Variants in PSIP1 observed in about 807,000 individuals in gnomAD.
PSIP1 encodes PC4 and SRSF1 interacting protein 1, also known as PC4 and SFRS1-interacting protein.
Under a neutral mutation model 74.7 loss-of-function variants are expected in PSIP1, and 19 were observed. The observed-to-expected ratio is 0.25, with a 90% CI of 0.18 to 0.37. The LOEUF (loss-of-function observed/expected upper bound fraction) is 0.37. Among genes scored for constraint, PSIP1 ranks in the 10% least tolerant of loss-of-function variants. PSIP1 has a pLI of 1.00. For synonymous variants in PSIP1, 222 were observed against 195.3 expected (o/e 1.14, Z -1.14); for missense variants, 601 against 614.3 (o/e 0.98, Z 0.23).
chr9:15,507,477 G>T (rs529763567), intron 2 of PSIP1, among the ~76,000 whole-genome samples: 2 of 152,048 alleles, frequency 1.3e-5, no homozygotes, highest in South Asian at 2.1e-4. Context: ...GTGAAACCCG[G>T]TCTCTACTAA....
At chr9:15,478,575 A>G in intron 7 of PSIP1, 23 bp from the exon 8 acceptor site, 4 of 1,433,636 alleles carry the variant, frequency 2.8e-6, no homozygotes, top group Non-Finnish European at 9.8e-7. Context: ...TGGAAAAAAA[A>G]TCAGTAACTA....
chr9:15,510,283 G>A lies in PSIP1; in HGVS notation c.-95C>T, dbSNP rs1038681336. Reference sequence around the variant, plus strand: ...GGCGGCGGACGCGGGCCCAGCTACCGGGCCCGCGGGCGGGGGAGGATGCCT... The same window carrying A: ...GGCGGCGGACGCGGGCCCAGCTACCAGGCCCGCGGGCGGGGGAGGATGCCT... On this transcript the variant is annotated 5_prime_UTR_variant, in exon 2 of 16. Coordinates refer to ENST00000380733, the MANE Select transcript of PSIP1 (RefSeq NM_033222.5). 11 of 1,025,078 alleles carry A rather than the reference G, an allele frequency of 1.1e-5. No homozygotes were observed. The highest frequency in any genetic ancestry group is 1.4e-5 in the Non-Finnish European group (10 of 729,658). The allele number at this position is 1,025,078 out of a possible 1,614,324, so 63.5% of individuals were successfully genotyped here. A position where few individuals can be genotyped will look rare whatever the true frequency, so the allele number is the denominator to read the frequency against.
At chr9:15,506,664 A>G in intron 2 of PSIP1, 27 bp from the exon 3 acceptor site, 2 of 1,512,470 alleles carry the variant, frequency 1.3e-6, no homozygotes, top group African/African-American at 1.4e-5. Flanking sequence ...AAAAATTAAA[A>G]TATTTTAAAT....
chr9:15,508,499 T>C (rs368106285), intron 2 of PSIP1, among the ~76,000 whole-genome samples: 4 of 152,352 alleles, frequency 2.6e-5, no homozygotes, highest in African/African-American at 9.6e-5. Context: ...GTAGCACTCT[T>C]AGTCACTTAA....
In PSIP1 at chr9:15,510,909, G is replaced by A. The variant is rs2037841863; in HGVS notation, c.-234C>T. On this transcript the variant is annotated 5_prime_UTR_variant, in exon 1 of 16. Coordinates refer to ENST00000380733, the MANE Select transcript of PSIP1 (RefSeq NM_033222.5). ...CACCTGCGCCACCAGCTGCCGCAGA[G>A]GCGTCTCAACGGCTCGGAATCGCAA... 1.3e-5 allele frequency: 2 copies of A among 152,704 alleles called. No homozygotes were observed. The highest frequency in any genetic ancestry group is 3.9e-4 in the South Asian group (2 of 5,136). 9.5% of individuals were successfully genotyped at this position (152,704 alleles called of 1,614,324 possible).
rs1328073390 is a variant in PSIP1, at chr9:15,486,757, G to A, written c.393+70C>T. ...TAAAAATTACTTACTAATTAATCAT[G>A]GCCAACTCATTTCATTATTTCTTCC... On this transcript the variant is annotated intron_variant, in intron 5 of 15. Coordinates refer to ENST00000380733, the MANE Select transcript of PSIP1 (RefSeq NM_033222.5). 5.6e-6 allele frequency: 6 copies of A among 1,073,170 alleles called. No homozygotes were observed. In the African/African-American group the frequency reaches 6.5e-5, roughly 12 times the overall value. 66.5% of individuals were successfully genotyped at this position (1,073,170 alleles called of 1,614,324 possible).
At chr9:15,466,942 A>T (rs2035663417) in intron 14 of PSIP1, 83 bp from the exon 15 acceptor site, 1 of 979,624 alleles carries the variant, frequency 1.0e-6, no homozygotes, top group Admixed American at 2.2e-5. Context: ...CCAGAATCAA[A>T]ATACAACATG....
chr9:15,468,321 G>T (rs2035715344), intron 14 of PSIP1: 2 of 587,350 alleles, frequency 3.4e-6, no homozygotes, highest in Admixed American at 1.9e-5. Flanking sequence ...GAGCAACCAG[G>T]AAGTGGGTAC....
At chr9:15,487,132 C>T (rs1388596585) in intron 4 of PSIP1, among the ~76,000 whole-genome samples, 2 of 150,484 alleles carry the variant, frequency 1.3e-5, no homozygotes, top group Non-Finnish European at 3.0e-5. Context: ...CCCAGGAGGT[C>T]GAGGCTGTAG....
chr9:15,468,126 A>C (rs1019356820), intron 14 of PSIP1, among the ~76,000 whole-genome samples: 3 of 122,156 alleles, frequency 2.5e-5, no homozygotes, highest in African/African-American at 8.4e-5. Flanking sequence ...CATCTTTTAA[A>C]AAAAAAAAAA....
At position 15,483,703 on chromosome 9, in the gene PSIP1, A is replaced by T. The variant is rs2036434821; in HGVS notation, c.456+2303T>A. ...TACAGTGAACTGGTCTCACTGCCCC[A>T]ATCCAATCCCCATCGTTCACACTGC... On this transcript the variant is annotated intron_variant, in intron 6 of 15. Coordinates refer to ENST00000380733, the MANE Select transcript of PSIP1 (RefSeq NM_033222.5). Among the ~76,000 whole-genome samples, 4 of 152,282 alleles carry T rather than the reference A, an allele frequency of 2.6e-5. No individual in the cohort carries two copies. The South Asian group carries it at 8.3e-4, about 32-fold the overall frequency.
rs1234059861 is a variant in PSIP1 at position 15,474,651 on chromosome 9, C to G, written c.630-414G>C. ...CAGACAGTGCTGTGCTGACTAGCAC[C>G]TAAGTATTCCCATCACCACTGAATT... On this transcript the variant is annotated intron_variant, in intron 8 of 15. Transcript: ENST00000380733. Among the ~76,000 whole-genome samples the G allele has an allele frequency of 5.3e-5, 8 of 152,066 alleles. No homozygotes were observed. In the East Asian group the frequency reaches 1.2e-3, roughly 22 times the overall value.
At position 15,464,929 on chromosome 9, in the gene PSIP1, CA is replaced by C. The variant is rs1407491903; in HGVS notation, c.*590del. On this transcript the variant is annotated 3_prime_UTR_variant, in exon 16 of 16. Transcript: ENST00000380733. ...TCAGTTGCTTAATTAGTTGTCATAC[CA>C]AAAAAAACCATACAGAGCACACATT... 4.7e-5 allele frequency: 10 copies of C among 212,792 alleles called. No homozygotes were observed. Among genetic ancestry groups the C allele is most frequent in the African/African-American group, 6.8e-5 (3 of 44,048 alleles). The allele number at this position is 212,792 out of a possible 1,614,324, so 13.2% of individuals were successfully genotyped here. A position where few individuals can be genotyped will look rare whatever the true frequency, so the allele number is the denominator to read the frequency against.
intron 14 of PSIP1, among the ~76,000 whole-genome samples, chr9:15,467,700 CAAATG>C (rs1166062380): frequency 6.6e-6 from 1 of 152,082 alleles, no homozygotes; most frequent in African/African-American, 2.4e-5. Flanking sequence ...TTTCCTAATA[CAAATG>C]AAAAGAAAAT....
At position 15,464,224 on chromosome 9, in the gene PSIP1, A is replaced by G; in HGVS notation, c.*1296T>C. 5.2e-6 allele frequency: 1 copy of G among 191,966 alleles called. No individual in the cohort carries two copies. Among genetic ancestry groups the G allele is most frequent in the Non-Finnish European group, 1.1e-5 (1 of 91,558 alleles). The allele number at this position is 191,966 out of a possible 1,614,324, so 11.9% of individuals were successfully genotyped here. On this transcript the variant is annotated 3_prime_UTR_variant, in exon 16 of 16. Transcript: ENST00000380733. The stretch of plus-strand genomic sequence containing the variant: ...AACGGTGATTCCTAGTTCCATTATA[A>G]GACCTCTTTAAAAGCAAAAATGCAA...
chr9:15,506,689 C>A lies in PSIP1; in HGVS notation c.73-52G>T, dbSNP rs755382277. The A allele has an allele frequency of 2.2e-5, 29 of 1,338,930 alleles. 1 individual carries two copies. In the South Asian group the frequency reaches 3.3e-4, roughly 15 times the overall value. The allele number at this position is 1,338,930 out of a possible 1,614,324, so 82.9% of individuals were successfully genotyped here. A position where few individuals can be genotyped will look rare whatever the true frequency, so the allele number is the denominator to read the frequency against. On this transcript the variant is annotated intron_variant, in intron 2 of 15. Transcript: ENST00000380733. ...ATATTTTAAATCATACACACCTCAA[C>A]ATTTATCTGAATAAACAAGAGCACA... is the stretch of plus-strand genomic sequence containing the variant.
At chr9:15,472,425 GTGAC>G (rs2035878673) in intron 10 of PSIP1, 1 of 1,361,010 alleles carries the variant, frequency 7.3e-7, no homozygotes, top group Admixed American at 3.6e-5. Flanking sequence ...AATTCACAGA[GTGAC>G]TGCCTCAGTC....
At position 15,483,922 on chromosome 9, in the gene PSIP1, G is replaced by A. The variant is rs895170460; in HGVS notation, c.456+2084C>T. 2.6e-5 allele frequency among the ~76,000 whole-genome samples: 4 copies of A among 152,100 alleles called. No individual in the cohort carries two copies. In the South Asian group the frequency reaches 8.3e-4, roughly 32 times the overall value. ...GTGAGCAGATCACTTGAGGCCAGGAGTTTGAGACCAGCCTGGCCACCATGG... is the reference window on the plus strand; with the variant it reads ...GTGAGCAGATCACTTGAGGCCAGGAATTTGAGACCAGCCTGGCCACCATGG... On this transcript the variant is annotated intron_variant, in intron 6 of 15. Transcript: ENST00000380733.
At chr9:15,467,075 G>A (rs530643314) in intron 14 of PSIP1, among the ~76,000 whole-genome samples, 1 of 152,256 alleles carries the variant, frequency 6.6e-6, no homozygotes, top group Non-Finnish European at 1.5e-5. Context: ...GACCACCAGA[G>A]GCTTTGGGTA....
Sources: allele counts gnomAD v4.1 joint callset (sites outside exome capture counted in the v4.1 genomes callset), GRCh38; gene constraint gnomAD v4.1.1; transcripts MANE v1.5; gene names NCBI Gene and HGNC (gene_info 2026-07-23, HGNC 2026-07-21).